ZNF227: variants seen among roughly 807,000 people sequenced by gnomAD.
The protein encoded by ZNF227 is zinc finger protein 227.
In ZNF227, 12 loss-of-function variants were observed where a neutral mutation model predicts 13.2. That is an observed-to-expected ratio of 0.91 (90% CI 0.58 to 1.47). ZNF227 has a LOEUF of 1.47. ZNF227 is among the 40% of genes most tolerant of loss of function. ZNF227 has a pLI of 0.00. For synonymous variants in ZNF227, 338 were observed against 326.0 expected (o/e 1.04, Z -0.40); for missense variants, 885 against 967.5 (o/e 0.91, Z 1.13).
intron 2 of ZNF227, 81 bp from the exon 3 acceptor site, chr19:44,217,710 G>A: frequency 6.9e-7 from 1 of 1,439,782 alleles, no homozygotes; most frequent in Middle Eastern, 1.7e-4. Flanking sequence ...TCTGAATGTA[G>A]GGCTATTTCT....
rs774630034 is a variant in ZNF227 at position 44,235,396 on chromosome 19, G to GTCT, written c.968_970dup (p.Ser323dup). ...ATCAATCTAATCATACAGGAGAGAA[G>GTCT]TCTTATAGATGCGACAGTTGCGGCA... On this transcript the variant is annotated inframe_insertion, in exon 6 of 6. Transcript: ENST00000313040. 8.7e-6 allele frequency: 14 copies of GTCT among 1,614,060 alleles called. No homozygotes were observed. In the African/African-American group the frequency reaches 1.2e-4, roughly 14 times the overall value.
At chr19:44,221,170 C>T (rs1228608216) in intron 3 of ZNF227, among the ~76,000 whole-genome samples, 2 of 151,866 alleles carry the variant, frequency 1.3e-5, no homozygotes, top group African/African-American at 2.4e-5. Flanking sequence ...GGGTATACAC[C>T]CAGTAGCCAT....
chr19:44,219,291 G>A (rs966377150), intron 3 of ZNF227, among the ~76,000 whole-genome samples: 4 of 152,096 alleles, frequency 2.6e-5, no homozygotes, highest in Non-Finnish European at 1.5e-5. Flanking sequence ...TTCCATGAAC[G>A]TAGATGCTCA....
In ZNF227 at chr19:44,221,719, C is replaced by G. The variant is rs560260135; in HGVS notation, c.60+3867C>G. Among the ~76,000 whole-genome samples the G allele has an allele frequency of 1.1e-3, 167 of 152,148 alleles. 1 individual carries two copies. Among genetic ancestry groups the G allele is most frequent in the Admixed American group, 1.6e-3 (25 of 15,272 alleles). ...TTCTCCCATTTTGTAGGTTGCCTGT[C>G]CACTCTGATGGTAGTTTCTTTTGCT... On this transcript the variant is annotated intron_variant, in intron 3 of 5. Coordinates refer to ENST00000313040, the MANE Select transcript of ZNF227 (RefSeq NM_182490.3).
At chr19:44,212,052 G>A (rs1171458814), upstream of ZNF227, among the ~76,000 whole-genome samples, 1 of 151,574 alleles carries the variant, frequency 6.6e-6, no homozygotes, top group Non-Finnish European at 1.5e-5. Flanking sequence ...ACCACGCCCG[G>A]CTAATTTTTA....
chr19:44,230,424 C>T (rs1483066399), intron 5 of ZNF227, among the ~76,000 whole-genome samples: 1 of 152,192 alleles, frequency 6.6e-6, no homozygotes, highest in Non-Finnish European at 1.5e-5. Flanking sequence ...AAGACCCTAC[C>T]TGGTCTCATC....
chr19:44,218,335 C>T (rs370586316), intron 3 of ZNF227, among the ~76,000 whole-genome samples: 9 of 152,226 alleles, frequency 5.9e-5, no homozygotes, highest in African/African-American at 2.2e-4. Flanking sequence ...ACTTTTTTCC[C>T]TACATATAAA....
chr19:44,237,040 C>T lies in ZNF227; in HGVS notation c.*210C>T. 2 of 499,512 alleles carry T rather than the reference C, an allele frequency of 4.0e-6. No individual in the cohort carries two copies. Among genetic ancestry groups the T allele is most frequent in the East Asian group, 6.3e-5 (2 of 31,940 alleles). The allele number at this position is 499,512 out of a possible 1,614,324, so 30.9% of individuals were successfully genotyped here. ...TAGGGGAGAAATAGGGCTGGTGGCT[C>T]TCTTGGTAAGATCTAGTTAATATAA... On this transcript the variant is annotated 3_prime_UTR_variant, in exon 6 of 6. Coordinates refer to ENST00000313040, the MANE Select transcript of ZNF227 (RefSeq NM_182490.3).
chr19:44,222,888 T>C (rs1170182006), intron 3 of ZNF227, among the ~76,000 whole-genome samples: 2 of 151,208 alleles, frequency 1.3e-5, no homozygotes, highest in Non-Finnish European at 3.0e-5. Flanking sequence ...CAGTATGATA[T>C]TGGCTGTGGG....
Position 44,218,936 on chromosome 19 carries a change from G to A in ZNF227, c.60+1084G>A, listed in dbSNP as rs568499765. Among the ~76,000 whole-genome samples, 86 of 152,240 alleles carry A rather than the reference G, an allele frequency of 5.6e-4. No individual in the cohort carries two copies. The South Asian group carries it at 9.8e-3, about 17-fold the overall frequency. ...GAGTTTAATTCTTGTCACCCAGGCC[G>A]GAGTGCAATGGCATGTTCTTAGCTC... On this transcript the variant is annotated intron_variant, in intron 3 of 5. Coordinates refer to ENST00000313040, the MANE Select transcript of ZNF227 (RefSeq NM_182490.3).
chr19:44,235,445 C>G lies in ZNF227; in HGVS notation c.1015C>G (p.Leu339Val), dbSNP rs761597689. The G allele has an allele frequency of 5.0e-6, 8 of 1,614,022 alleles. No individual in the cohort carries two copies. Among genetic ancestry groups the G allele is most frequent in the Non-Finnish European group, 5.9e-6 (7 of 1,180,014 alleles). Reference sequence around the variant, plus strand: ...CAAGGGATTCAGTAGCAGCACGGGTCTTATCATTCATTACAGAACTCATAC... The same window carrying G: ...CAAGGGATTCAGTAGCAGCACGGGTGTTATCATTCATTACAGAACTCATAC... ...CGKGFSSSTGLIIHYRTHTGE... is the reference protein window; with the variant it reads ...CGKGFSSSTGVIIHYRTHTGE... The change falls in exon 6 of 6, where the codon CTT becomes GTT. Residue 339 changes from leucine to valine, a missense_variant. Leu to Val is a conservative substitution (Grantham distance 32). Transcript: ENST00000313040.
At chr19:44,213,476 G>T (rs1971536014) in intron 2 of ZNF227, 1 of 152,188 alleles carries the variant, frequency 6.6e-6, no homozygotes, top group Admixed American at 6.5e-5. Flanking sequence ...TTGTTATTTT[G>T]TTATGAGGAA....
At chr19:44,215,622 C>G (rs1051306415) in intron 2 of ZNF227, among the ~76,000 whole-genome samples, 6 of 151,886 alleles carry the variant, frequency 4.0e-5, no homozygotes, top group Non-Finnish European at 8.8e-5. Context: ...AAAATATTCT[C>G]TTTCTTAGCA....
chr19:44,227,755 A>G (rs1209511997), intron 3 of ZNF227, among the ~76,000 whole-genome samples: 2 of 152,244 alleles, frequency 1.3e-5, no homozygotes, highest in African/African-American at 2.4e-5. Flanking sequence ...CCAAGGTCCT[A>G]TAACTAGTAA....
At chr19:44,215,111 C>A (rs1029779906) in intron 2 of ZNF227, among the ~76,000 whole-genome samples, 1 of 151,894 alleles carries the variant, frequency 6.6e-6, no homozygotes, top group Non-Finnish European at 1.5e-5. Context: ...GAAACTGGTC[C>A]CTGGTGCCAA....
upstream of ZNF227, among the ~76,000 whole-genome samples, chr19:44,209,776 CG>C (rs565544746): frequency 3.7e-3 from 567 of 152,156 alleles, no homozygotes; most frequent in Non-Finnish European, 5.2e-3. Flanking sequence ...TTAGTAGAGA[CG>C]GGGTTTCACC....
rs557692653 is a variant in ZNF227, at chr19:44,230,398, C to G, written c.271+582C>G. Among the ~76,000 whole-genome samples the G allele has an allele frequency of 2.0e-5, 3 of 152,266 alleles. No homozygotes were observed. The East Asian group carries it at 5.8e-4, about 29-fold the overall frequency. The stretch of plus-strand genomic sequence containing the variant: ...ACAACCTTCCCATTTCACTCAAAGT[C>G]CTTGTACTGAACTGCAAGACCCTAC... On this transcript the variant is annotated intron_variant, in intron 5 of 5. Transcript: ENST00000313040.
At chr19:44,222,808 G>C (rs200904321) in intron 3 of ZNF227, among the ~76,000 whole-genome samples, 18,857 of 151,442 alleles carry the variant, frequency 0.12, 1,661 homozygotes, top group East Asian at 0.41. Context: ...ATGTTGAATA[G>C]GAGTGGTGAG....
intron 2 of ZNF227, among the ~76,000 whole-genome samples, chr19:44,216,958 G>GTT (rs35474532): frequency 0.015 from 1,358 of 91,556 alleles, 30 homozygotes; most frequent in African/African-American, 0.045. Flanking sequence ...TCATCTGCTT[G>GTT]TTTTTTTTTT....
Sources: gnomAD v4.1 joint callset for allele counts (sites outside exome capture counted in the v4.1 genomes callset) on GRCh38, gnomAD v4.1.1 for gene constraint, MANE v1.5 for transcripts, NCBI Gene and HGNC (gene_info 2026-07-23, HGNC 2026-07-21) for gene names.